The following NCALD variants were observed in gnomAD, a reference collection of about 807,000 sequenced individuals.
The protein encoded by NCALD is neurocalcin-delta.
In NCALD, 10 loss-of-function variants were observed where a neutral mutation model predicts 18.6. That is an observed-to-expected ratio of 0.54 (90% CI 0.33 to 0.91). The LOEUF (loss-of-function observed/expected upper bound fraction) is 0.91. NCALD is among the 40% of genes least tolerant of loss of function. The pLI, the probability that NCALD is intolerant of heterozygous loss-of-function variation, is 0.03. For synonymous variants in NCALD, 88 were observed against 87.4 expected (o/e 1.01, Z -0.04); for missense variants, 184 against 247.6 (o/e 0.74, Z 1.72).
chr8:101,959,124 G>A (rs962115731), intron 2 of NCALD, among the ~76,000 whole-genome samples: 2 of 152,184 alleles, frequency 1.3e-5, no homozygotes, highest in Non-Finnish European at 2.9e-5. Context: ...GTCACTGGTT[G>A]CATTGAATTG....
chr8:102,099,838 A>G (rs772083047), intron 1 of NCALD, among the ~76,000 whole-genome samples: 15 of 151,832 alleles, frequency 9.9e-5, no homozygotes, highest in Non-Finnish European at 1.3e-4. Context: ...TTACCAAAGC[A>G]GTGCACACTT....
chr8:101,868,360 A>G (rs912148975), intron 4 of NCALD, among the ~76,000 whole-genome samples: 10 of 152,100 alleles, frequency 6.6e-5, no homozygotes, highest in Non-Finnish European at 1.2e-4. Flanking sequence ...TCCCTGTTCA[A>G]TTGGTCTGAG....
intron 2 of NCALD, among the ~76,000 whole-genome samples, chr8:102,011,471 A>G (rs1821901226): frequency 6.6e-6 from 1 of 152,208 alleles, no homozygotes; most frequent in Non-Finnish European, 1.5e-5. Flanking sequence ...TGAGGACAGA[A>G]ACTGTGTCCC....
At chr8:101,848,792 G>A (rs1048873095) in intron 4 of NCALD, among the ~76,000 whole-genome samples, 2 of 152,104 alleles carry the variant, frequency 1.3e-5, no homozygotes, top group Non-Finnish European at 2.9e-5. Flanking sequence ...CTACAACATT[G>A]CTTCTAAGAA....
At chr8:101,931,222 C>G (rs987036678) in intron 2 of NCALD, among the ~76,000 whole-genome samples, 8 of 152,164 alleles carry the variant, frequency 5.3e-5, no homozygotes, top group Admixed American at 3.9e-4. Flanking sequence ...AAGCCATTTG[C>G]TGCCAAATGG....
At chr8:101,990,829 T>G (rs1226905486) in intron 2 of NCALD, among the ~76,000 whole-genome samples, 2 of 152,286 alleles carry the variant, frequency 1.3e-5, no homozygotes, top group Non-Finnish European at 2.9e-5. Context: ...CAAGCAATAT[T>G]CTCCTAAATA....
At chr8:101,690,662 CT>C in intron 3 of NCALD, 1 of 985,218 alleles carries the variant, frequency 1.0e-6, no homozygotes, top group Non-Finnish European at 1.2e-6. Flanking sequence ...ATGAAACCCA[CT>C]TTATCTCCAT....
At chr8:101,975,360 T>C (rs559262139) in intron 2 of NCALD, 1 of 152,330 alleles carries the variant, frequency 6.6e-6, no homozygotes, top group South Asian at 2.1e-4. Context: ...TGTTGAACTA[T>C]GGCTCTCTAA....
intron 1 of NCALD, among the ~76,000 whole-genome samples, chr8:102,064,243 A>G (rs16868988): frequency 0.025 from 3,848 of 152,172 alleles, 131 homozygotes; most frequent in East Asian, 0.12. Context: ...TTCCTCATCT[A>G]TCCTCCAGCC....
upstream of NCALD, among the ~76,000 whole-genome samples, chr8:101,794,553 T>G (rs907986444): frequency 6.6e-5 from 10 of 152,244 alleles, no homozygotes; most frequent in African/African-American, 2.4e-4. Flanking sequence ...TGAGTACATG[T>G]AAGTTATATG....
At chr8:101,806,650 A>G (rs905915365) in intron 4 of NCALD, among the ~76,000 whole-genome samples, 1 of 152,154 alleles carries the variant, frequency 6.6e-6, no homozygotes, top group African/African-American at 2.4e-5. Context: ...AGTTTGGTAG[A>G]GAACATGCAA....
chr8:101,789,382 A>G (rs1426492736), intron 1 of NCALD, among the ~76,000 whole-genome samples: 1 of 152,154 alleles, frequency 6.6e-6, no homozygotes, highest in African/African-American at 2.4e-5. Flanking sequence ...AAAATCCTCC[A>G]CGGAGACCCT....
intron 1 of NCALD, among the ~76,000 whole-genome samples, chr8:102,063,065 T>A (rs1823898178): frequency 6.6e-6 from 1 of 152,232 alleles, no homozygotes; most frequent in Non-Finnish European, 1.5e-5. Context: ...ATGCTTGTAG[T>A]CTCATACCAC....
chr8:101,786,242 G>A (rs1261144508), intron 1 of NCALD, among the ~76,000 whole-genome samples: 2 of 152,150 alleles, frequency 1.3e-5, no homozygotes, highest in Non-Finnish European at 2.9e-5. Context: ...AAGACTGAAT[G>A]TTTGAATAAA....
intron 2 of NCALD, among the ~76,000 whole-genome samples, 186 bp downstream of exon 2, chr8:101,719,066 G>A (rs1489014270): frequency 6.6e-6 from 1 of 152,116 alleles, no homozygotes; most frequent in African/African-American, 2.4e-5. Flanking sequence ...CGACCAGTGT[G>A]GATTTTTATG....
At chr8:101,788,134 TCACA>T (rs1296773547) in intron 1 of NCALD, among the ~76,000 whole-genome samples, 2 of 152,162 alleles carry the variant, frequency 1.3e-5, no homozygotes, top group Non-Finnish European at 2.9e-5. Flanking sequence ...ATTGCAAAAT[TCACA>T]CACTCGAAGA....
intron 2 of NCALD, among the ~76,000 whole-genome samples, chr8:101,704,970 A>G (rs1297022477): frequency 6.6e-6 from 1 of 152,078 alleles, no homozygotes; most frequent in South Asian, 2.1e-4. Flanking sequence ...TCATGCCTGT[A>G]ATCCCAGCAC....
intron 2 of NCALD, among the ~76,000 whole-genome samples, chr8:101,701,163 C>T (rs115537628): frequency 0.018 from 2,693 of 152,204 alleles, 77 homozygotes; most frequent in African/African-American, 0.061. Flanking sequence ...TCCCTTCCCA[C>T]GGCATCAACA....
intron 1 of NCALD, among the ~76,000 whole-genome samples, chr8:101,775,248 G>C (rs975571332): frequency 2.0e-5 from 3 of 152,150 alleles, no homozygotes; most frequent in Admixed American, 2.0e-4. Flanking sequence ...GCCTAACATA[G>C]TGCCTGTATT....
Sources: allele counts gnomAD v4.1 joint callset (sites outside exome capture counted in the v4.1 genomes callset), GRCh38; gene constraint gnomAD v4.1.1; transcripts MANE v1.5; gene names NCBI Gene and HGNC (gene_info 2026-07-23, HGNC 2026-07-21).